The following NEBL variants were observed in gnomAD, a reference collection of about 807,000 sequenced individuals.
NEBL encodes the protein LIM and SH3 protein 2.
NEBL carries 122 observed loss-of-function variants against 140.2 expected under a neutral mutation model. That is an observed-to-expected ratio of 0.87 (90% CI 0.75 to 1.01). The LOEUF (loss-of-function observed/expected upper bound fraction) is 1.01. Among genes scored for constraint, NEBL ranks in the 50% least tolerant of loss-of-function variants. NEBL has a pLI of 0.00. For missense variants in NEBL, 1,365 were observed against 1,231.3 expected, an observed-to-expected ratio of 1.11 and a Z score of -1.62; for synonymous variants, 436 against 398.9, an observed-to-expected ratio of 1.09 and a Z score of -1.11.
chr10:20,982,730 A>C (rs913680720), intron 3 of NEBL, among the ~76,000 whole-genome samples: 4 of 152,194 alleles, frequency 2.6e-5, no homozygotes, highest in Admixed American at 1.3e-4. Context: ...CTTCCCCCCC[A>C]AAAAATTTCT....
intron 26 of NEBL, 84 bp from the exon 27 acceptor site, chr10:20,787,392 G>T: frequency 1.9e-6 from 2 of 1,074,666 alleles, no homozygotes; most frequent in Non-Finnish European, 2.8e-6. Flanking sequence ...GTGATGTTAT[G>T]CTCTGCTAGA....
At chr10:21,065,166 T>C (rs1312696259) in intron 2 of NEBL, among the ~76,000 whole-genome samples, 1 of 152,150 alleles carries the variant, frequency 6.6e-6, no homozygotes, top group Non-Finnish European at 1.5e-5. Flanking sequence ...GAAAAAAATC[T>C]CCTTTGGGTG....
intron 11 of NEBL, 147 bp from the exon 12 acceptor site, chr10:20,845,515 T>G (rs1841837742): frequency 3.4e-6 from 2 of 591,512 alleles, no homozygotes; most frequent in East Asian, 5.6e-5. Context: ...GGAAATAAGT[T>G]CAACTTTGTC....
intron 4 of NEBL, among the ~76,000 whole-genome samples, chr10:20,951,557 T>A (rs1835464705): frequency 6.6e-6 from 1 of 152,208 alleles, no homozygotes; most frequent in Non-Finnish European, 1.5e-5. Context: ...AGATTACCAA[T>A]GGATTTTGAA....
intron 4 of NEBL, among the ~76,000 whole-genome samples, chr10:20,904,181 G>C (rs996896230): frequency 6.6e-6 from 1 of 152,154 alleles, no homozygotes; most frequent in African/African-American, 2.4e-5. Context: ...ACCTCAGAAA[G>C]GAAAACCATA....
At chr10:21,286,086 A>G (rs1020790124) in intron 1 of NEBL, among the ~76,000 whole-genome samples, 4 of 152,024 alleles carry the variant, frequency 2.6e-5, no homozygotes, top group African/African-American at 9.7e-5. Context: ...CTTCCTCACT[A>G]TGACCTTGGC....
chr10:20,831,178 T>C lies in NEBL; in HGVS notation c.1671+18A>G, dbSNP rs112414379. ...ACATTGGAATACACGATTCTGAGCA[T>C]CTTCATTCATGACCAACCTGGCTAT... On this transcript the variant is annotated intron_variant, in intron 16 of 27. Transcript: ENST00000377122. The C allele has an allele frequency of 2.6e-6, 4 of 1,534,946 alleles. No individual in the cohort carries two copies. The African/African-American group carries it at 4.1e-5, about 16-fold the overall frequency.
At chr10:20,961,899 A>T (rs1836068775) in intron 3 of NEBL, 1 of 740,076 alleles carries the variant, frequency 1.4e-6, no homozygotes. Flanking sequence ...TCTCAGCCGG[A>T]GGTGCAGTTA....
At chr10:20,906,370 ATAC>A (rs1270619543) in intron 4 of NEBL, among the ~76,000 whole-genome samples, 2 of 152,184 alleles carry the variant, frequency 1.3e-5, no homozygotes, top group African/African-American at 2.4e-5. Context: ...AGGGAAAACA[ATAC>A]TACTGATGCT....
At chr10:20,965,935 C>T (rs1368883542) in intron 3 of NEBL, among the ~76,000 whole-genome samples, 1 of 152,148 alleles carries the variant, frequency 6.6e-6, no homozygotes, top group Non-Finnish European at 1.5e-5. Context: ...GGAGAGAGGA[C>T]AGAATTAAGT....
At chr10:21,268,331 C>T (rs576554575) in intron 1 of NEBL, among the ~76,000 whole-genome samples, 1 of 152,018 alleles carries the variant, frequency 6.6e-6, no homozygotes, top group Non-Finnish European at 1.5e-5. Flanking sequence ...AAAAGTTAGC[C>T]TAGCATAGTG....
At chr10:21,290,186 A>G (rs1328073248) in intron 1 of NEBL, among the ~76,000 whole-genome samples, 2 of 152,182 alleles carry the variant, frequency 1.3e-5, no homozygotes, top group Non-Finnish European at 2.9e-5. Flanking sequence ...GGAAATTGGA[A>G]CCACTCTCCC....
In NEBL at chr10:20,857,775, C is replaced by T. The variant is rs16921165; in HGVS notation, c.903+465G>A. Among the ~76,000 whole-genome samples the T allele has an allele frequency of 3.0e-3, 461 of 152,150 alleles. 3 individuals carry two copies. Among genetic ancestry groups the T allele is most frequent in the East Asian group, 0.026 (134 of 5,156 alleles). On this transcript the variant is annotated intron_variant, in intron 9 of 27. Coordinates refer to ENST00000377122, the MANE Select transcript of NEBL (RefSeq NM_006393.3). ...ATGGAAACCATGACAAGACTAAAAG[C>T]GATGTGTCAATGCAGTATAAATGCT... is the stretch of plus-strand genomic sequence containing the variant.
chr10:21,029,415 T>C, intron 2 of NEBL: 1 of 1,611,510 alleles, frequency 6.2e-7, no homozygotes, highest in African/African-American at 1.3e-5. Context: ...TGAAAGGTTT[T>C]GGTTATGCTG....
chr10:21,226,084 G>T (rs988260322), intron 3 of NEBL, among the ~76,000 whole-genome samples: 1 of 151,892 alleles, frequency 6.6e-6, no homozygotes, highest in Non-Finnish European at 1.5e-5. Flanking sequence ...GGGCCCAAGG[G>T]CTCTTTAGTC....
intron 1 of NEBL, among the ~76,000 whole-genome samples, chr10:21,270,484 A>G (rs924895261): frequency 6.6e-6 from 1 of 151,784 alleles, no homozygotes; most frequent in African/African-American, 2.4e-5. Flanking sequence ...CTCCTGCCTC[A>G]GCCTCCCATG....
chr10:21,021,108 G>A (rs1017435763), intron 2 of NEBL, among the ~76,000 whole-genome samples: 2 of 152,014 alleles, frequency 1.3e-5, no homozygotes, highest in African/African-American at 4.8e-5. Flanking sequence ...TCAGAAAGCT[G>A]GGAGTAATCT....
rs557940550 is a variant in NEBL at position 20,956,222 on chromosome 10, A to C, written c.357+5450T>G. ...CCGTACATTTCTCACATGAAAGTAT[A>C]AGTAATCCTTATAGAAATACTTTTC... On this transcript the variant is annotated intron_variant, in intron 4 of 6. Coordinates refer to the NEBL transcript ENST00000417816. Among the ~76,000 whole-genome samples the C allele has an allele frequency of 5.3e-5, 8 of 152,352 alleles. No individual in the cohort carries two copies. The East Asian group carries it at 1.3e-3, about 26-fold the overall frequency.
At chr10:20,796,845 T>C (rs1298990975) in intron 26 of NEBL, among the ~76,000 whole-genome samples, 1 of 152,192 alleles carries the variant, frequency 6.6e-6, no homozygotes, top group African/African-American at 2.4e-5. Context: ...CCCCAAATTA[T>C]AGAGTCTTTA....
Sources: gnomAD v4.1 joint callset for allele counts (sites outside exome capture counted in the v4.1 genomes callset) on GRCh38, gnomAD v4.1.1 for gene constraint, MANE v1.5 for transcripts, NCBI Gene and HGNC (gene_info 2026-07-23, HGNC 2026-07-21) for gene names.